Variants in CTNND2 observed in about 807,000 individuals in gnomAD.
CTNND2 encodes catenin delta-2.
A neutral mutation model predicts 144.4 loss-of-function variants in CTNND2; 22 were observed. The observed-to-expected ratio is 0.15, with a 90% confidence interval of 0.11 to 0.22. The LOEUF (loss-of-function observed/expected upper bound fraction) is 0.22, where lower values mean the gene tolerates loss of function less well. Ranked by LOEUF, CTNND2 falls within the 10% of genes least tolerant of loss-of-function variation. The pLI is 1.00. For synonymous variants in CTNND2, 751 were observed against 695.6 expected, an observed-to-expected ratio of 1.08 and a Z score of -1.25; for missense variants, 1,353 against 1,618.8, an observed-to-expected ratio of 0.84 and a Z score of 2.82.
At chr5:11,751,386 C>T (rs1420564344) in intron 1 of CTNND2, among the ~76,000 whole-genome samples, 1 of 151,754 alleles carries the variant, frequency 6.6e-6, no homozygotes, top group Non-Finnish European at 1.5e-5. Flanking sequence ...TCCCTTCTCC[C>T]ACCCTACACC....
intron 3 of CTNND2, among the ~76,000 whole-genome samples, chr5:11,531,957 T>C (rs747024259): frequency 6.6e-6 from 1 of 152,148 alleles, no homozygotes; most frequent in Non-Finnish European, 1.5e-5. Flanking sequence ...GCAGTGCACA[T>C]TGCCACGTGC....
chr5:11,162,205 A>AT (rs1318905733), intron 11 of CTNND2, among the ~76,000 whole-genome samples: 1 of 152,110 alleles, frequency 6.6e-6, no homozygotes, highest in Non-Finnish European at 1.5e-5. Context: ...AAACCTTTGC[A>AT]TTTTTTTACA....
At chr5:11,767,813 A>T (rs1789682821) in intron 1 of CTNND2, among the ~76,000 whole-genome samples, 1 of 152,212 alleles carries the variant, frequency 6.6e-6, no homozygotes, top group African/African-American at 2.4e-5. Context: ...CTGTTGACAG[A>T]GCCTTCATCG....
Position 11,364,862 on chromosome 5 carries a change from C to A in CTNND2, c.1206G>T (p.Gln402His). The A allele has an allele frequency of 1.2e-6, 2 of 1,612,866 alleles. No individual in the cohort carries two copies. The highest frequency in any genetic ancestry group is 1.7e-6 in the Non-Finnish European group (2 of 1,179,442). The change falls in exon 8 of 22, where the codon CAG (glutamine) becomes CAT (histidine). Residue 402 changes from glutamine (Q) to histidine (H), a missense_variant. Gln to His is a conservative substitution (Grantham distance 24). This residue lies in a region of CTNND2 where 708 missense variants were observed against 706.4 expected (regional missense o/e 1.00). Coordinates refer to ENST00000304623, the MANE Select transcript of CTNND2 (RefSeq NM_001332.4). The part of the protein sequence containing the change: ...AAGSRASYSS[Q>H]HGHLGPELRA... ...GCAACTCTGGGCCCAGGTGCCCATGCTGGCTGCTGTATGAGGCTCGGGAAC... is the reference window on the plus strand; with the variant it reads ...GCAACTCTGGGCCCAGGTGCCCATGATGGCTGCTGTATGAGGCTCGGGAAC...
rs533970764 is a variant in CTNND2 at position 11,606,047 on chromosome 5, G to GC, written c.175-40992dup. Among the ~76,000 whole-genome samples, 551 of 152,248 alleles carry GC rather than the reference G, an allele frequency of 3.6e-3. 2 individuals carry two copies. The highest frequency in any genetic ancestry group is 4.6e-3 in the Admixed American group (71 of 15,296). ...TACCCAGTACTGTATGTCAGAAGAG[G>GC]CAAGAGACGAGACAGAATAGGAGGT... On this transcript the variant is annotated intron_variant, in intron 2 of 21. Coordinates refer to ENST00000304623, the MANE Select transcript of CTNND2 (RefSeq NM_001332.4).
chr5:11,863,141 G>A (rs1427900498), intron 1 of CTNND2, among the ~76,000 whole-genome samples: 3 of 152,140 alleles, frequency 2.0e-5, no homozygotes, highest in Non-Finnish European at 2.9e-5. Context: ...TCCTAAGAAA[G>A]TTAAAAGCTT....
chr5:11,021,928 T>C (rs1316354135), intron 17 of CTNND2, among the ~76,000 whole-genome samples: 1 of 152,114 alleles, frequency 6.6e-6, no homozygotes, highest in East Asian at 1.9e-4. Context: ...AGAGGCAAAA[T>C]TTAATTAAGG....
chr5:11,246,457 G>C (rs372007645), intron 9 of CTNND2, among the ~76,000 whole-genome samples: 2 of 152,052 alleles, frequency 1.3e-5, no homozygotes, highest in East Asian at 3.9e-4. Context: ...AGGGGCTGGA[G>C]TGATGCAGCC....
At chr5:11,489,076 A>C (rs1448678824) in intron 3 of CTNND2, among the ~76,000 whole-genome samples, 2 of 152,168 alleles carry the variant, frequency 1.3e-5, no homozygotes, top group African/African-American at 2.4e-5. Context: ...TAATACCTAG[A>C]AGTTGGATTC....
At chr5:11,184,379 T>G (rs1003511762) in intron 11 of CTNND2, among the ~76,000 whole-genome samples, 2 of 152,196 alleles carry the variant, frequency 1.3e-5, no homozygotes, top group Non-Finnish European at 2.9e-5. Flanking sequence ...GAAAATAAAT[T>G]TGTGAACAGA....
At chr5:11,643,953 T>A (rs1782209362) in intron 2 of CTNND2, among the ~76,000 whole-genome samples, 1 of 152,146 alleles carries the variant, frequency 6.6e-6, no homozygotes, top group Non-Finnish European at 1.5e-5. Flanking sequence ...GAAAATAACT[T>A]TTTGAATAGG....
At chr5:11,723,029 C>G (rs1425158774) in intron 2 of CTNND2, among the ~76,000 whole-genome samples, 2 of 151,930 alleles carry the variant, frequency 1.3e-5, no homozygotes, top group Admixed American at 6.6e-5. Flanking sequence ...AGCACTAAAA[C>G]AAATAATTGG....
intron 12 of CTNND2, among the ~76,000 whole-genome samples, chr5:11,130,255 C>A (rs192251318): frequency 8.9e-4 from 133 of 149,644 alleles, no homozygotes; most frequent in Middle Eastern, 6.8e-3. Flanking sequence ...TAGGTTCATA[C>A]CACACCCCCC....
intron 1 of CTNND2, among the ~76,000 whole-genome samples, chr5:11,764,527 G>A (rs971102365): frequency 1.3e-5 from 2 of 152,142 alleles, no homozygotes; most frequent in Admixed American, 6.5e-5. Flanking sequence ...ACTAGTCCCT[G>A]ATGCTCATAT....
At chr5:11,553,241 G>A (rs1775923461) in intron 3 of CTNND2, among the ~76,000 whole-genome samples, 1 of 152,178 alleles carries the variant, frequency 6.6e-6, no homozygotes, top group African/African-American at 2.4e-5. Flanking sequence ...AAGGTGGCCT[G>A]CGTGAAAGGG....
intron 2 of CTNND2, among the ~76,000 whole-genome samples, chr5:11,635,922 T>C (rs1180161600): frequency 1.3e-5 from 2 of 152,098 alleles, no homozygotes; most frequent in African/African-American, 4.8e-5. Flanking sequence ...ATCTTTTTTT[T>C]CTACTTTATA....
At chr5:11,624,383 G>A (rs1270700850) in intron 2 of CTNND2, among the ~76,000 whole-genome samples, 1 of 152,104 alleles carries the variant, frequency 6.6e-6, no homozygotes, top group Non-Finnish European at 1.5e-5. Context: ...AGGAACATGT[G>A]AAATGTGAGT....
chr5:11,593,708 G>T (rs1779369810), intron 2 of CTNND2, among the ~76,000 whole-genome samples: 1 of 152,132 alleles, frequency 6.6e-6, no homozygotes, highest in African/African-American at 2.4e-5. Flanking sequence ...TTTCCATCAT[G>T]ATTGTGAGGC....
At chr5:11,479,122 A>G (rs1221411246) in intron 3 of CTNND2, among the ~76,000 whole-genome samples, 1 of 152,060 alleles carries the variant, frequency 6.6e-6, no homozygotes, top group Non-Finnish European at 1.5e-5. Context: ...CCTATTACTT[A>G]TTTTTCCTGA....
Sources: allele counts gnomAD v4.1 joint callset (sites outside exome capture counted in the v4.1 genomes callset), GRCh38; gene constraint gnomAD v4.1.1; regional missense constraint gnomAD v4.1.1; transcripts MANE v1.5; gene names NCBI Gene and HGNC (gene_info 2026-07-23, HGNC 2026-07-21).